RUNX2: variants seen among roughly 807,000 people sequenced by gnomAD.
RUNX2 encodes the protein runt-related transcription factor 2.
A neutral mutation model predicts 51.7 loss-of-function variants in RUNX2; 10 were observed. The observed-to-expected ratio is 0.19, with a 90% confidence interval of 0.12 to 0.33. The LOEUF (loss-of-function observed/expected upper bound fraction) is 0.33, where lower values mean the gene tolerates loss of function less well. Among genes scored for constraint, RUNX2 ranks in the 10% least tolerant of loss-of-function variants. The pLI is 1.00. For synonymous variants in RUNX2, 276 were observed against 273.6 expected, an observed-to-expected ratio of 1.01 and a Z score of -0.09; for missense variants, 562 against 691.3, an observed-to-expected ratio of 0.81 and a Z score of 2.10.
At chr6:45,385,810 G>T (rs1337078104) in intron 2 of RUNX2, among the ~76,000 whole-genome samples, 2 of 152,172 alleles carry the variant, frequency 1.3e-5, no homozygotes, top group Non-Finnish European at 2.9e-5. Context: ...TGAAGCAGGA[G>T]AATCTCTTGA....
At position 45,406,352 on chromosome 6, in the gene RUNX2, G is replaced by T. The variant is rs546505707; in HGVS notation, c.59-16241G>T. On this transcript the variant is annotated intron_variant, in intron 2 of 8. Transcript: ENST00000647337. ...CTGGTATCCTGACTTCTCAGGTAAA[G>T]GTTGGGCCCATTTTTTGTAGAATCA... Among the ~76,000 whole-genome samples, 5 of 152,160 alleles carry T rather than the reference G, an allele frequency of 3.3e-5. No homozygotes were observed. In the East Asian group the frequency reaches 5.8e-4, roughly 18 times the overall value.
intron 2 of RUNX2, among the ~76,000 whole-genome samples, chr6:45,383,986 G>C (rs1198282505): frequency 1.3e-5 from 2 of 152,188 alleles, no homozygotes; most frequent in African/African-American, 4.8e-5. Context: ...GCTTTTTACA[G>C]ATGCAGCATA....
intron 5 of RUNX2, among the ~76,000 whole-genome samples, chr6:45,478,361 T>C (rs1259441593): frequency 1.3e-5 from 2 of 152,248 alleles, no homozygotes; most frequent in Non-Finnish European, 2.9e-5. Flanking sequence ...TTTTCACCTC[T>C]TATTACATTT....
intron 2 of RUNX2, among the ~76,000 whole-genome samples, chr6:45,348,512 C>CAAAAAA (rs754208599): frequency 2.2e-4 from 24 of 110,366 alleles, no homozygotes; most frequent in African/African-American, 7.7e-4. Flanking sequence ...ACTAAAAATA[C>CAAAAAA]AAAAAAAAAA....
At chr6:45,405,222 C>CTATT (rs1247275763) in intron 2 of RUNX2, among the ~76,000 whole-genome samples, 33 of 152,188 alleles carry the variant, frequency 2.2e-4, no homozygotes, top group African/African-American at 7.2e-4. Flanking sequence ...TAAGTGTGAA[C>CTATT]TATTATTCCT....
At chr6:45,528,562 A>C (rs182693755) in intron 7 of RUNX2, among the ~76,000 whole-genome samples, 31 of 152,232 alleles carry the variant, frequency 2.0e-4, no homozygotes, top group Admixed American at 1.7e-3. Context: ...CAGAGGTTGC[A>C]GTGAGCCTAG....
intron 7 of RUNX2, among the ~76,000 whole-genome samples, chr6:45,521,022 G>A (rs184390562): frequency 4.6e-5 from 7 of 152,190 alleles, no homozygotes; most frequent in African/African-American, 1.2e-4. Flanking sequence ...AGCCCATATT[G>A]TCCTTTAGCA....
At chr6:45,543,265 C>T (rs1395512770) in intron 7 of RUNX2, among the ~76,000 whole-genome samples, 1 of 152,190 alleles carries the variant, frequency 6.6e-6, no homozygotes, top group Non-Finnish European at 1.5e-5. Context: ...TTTTGAAACT[C>T]TTCGCACCAA....
At chr6:45,521,297 T>C (rs1582201937) in intron 7 of RUNX2, among the ~76,000 whole-genome samples, 1 of 152,228 alleles carries the variant, frequency 6.6e-6, no homozygotes, top group East Asian at 1.9e-4. Flanking sequence ...CTTTCATTGC[T>C]GATAAGGACA....
intron 7 of RUNX2, among the ~76,000 whole-genome samples, chr6:45,523,680 A>AT (rs539062605): frequency 1.3e-3 from 190 of 151,884 alleles, no homozygotes; most frequent in African/African-American, 4.4e-3. Context: ...CACGCCTGTA[A>AT]TCCCAGGACT....
chr6:45,528,729 G>C (rs1448316369), intron 7 of RUNX2, among the ~76,000 whole-genome samples: 1 of 152,234 alleles, frequency 6.6e-6, no homozygotes, highest in African/African-American at 2.4e-5. Flanking sequence ...CGTGGCAACA[G>C]CTCTGAAGTG....
intron 5 of RUNX2, among the ~76,000 whole-genome samples, chr6:45,471,500 G>A (rs1346328864): frequency 6.7e-6 from 1 of 148,524 alleles, no homozygotes; most frequent in African/African-American, 2.5e-5. Context: ...GCTGGAGTGT[G>A]GTGGCGCGAT....
At chr6:45,379,809 GGAGCC>G (rs1361583919) in intron 2 of RUNX2, among the ~76,000 whole-genome samples, 5 of 151,980 alleles carry the variant, frequency 3.3e-5, no homozygotes, top group Non-Finnish European at 7.4e-5. Context: ...GAGGTTGCAG[GGAGCC>G]GAGATCACGC....
At chr6:45,460,475 G>C (rs894185835) in intron 5 of RUNX2, among the ~76,000 whole-genome samples, 1 of 152,178 alleles carries the variant, frequency 6.6e-6, no homozygotes, top group Non-Finnish European at 1.5e-5. Context: ...TGGAGGCTAG[G>C]AGGTGAGTAC....
intron 7 of RUNX2, among the ~76,000 whole-genome samples, chr6:45,518,790 T>C (rs1018723516): frequency 1.3e-5 from 2 of 152,174 alleles, no homozygotes; most frequent in African/African-American, 4.8e-5. Flanking sequence ...TTATTGAGGA[T>C]TTGCTGAAAT....
intron 5 of RUNX2, among the ~76,000 whole-genome samples, chr6:45,471,086 T>C (rs1799785597): frequency 6.6e-6 from 1 of 152,164 alleles, no homozygotes; most frequent in African/African-American, 2.4e-5. Context: ...CCAGGAGCCA[T>C]CTTGGGACGT....
intron 7 of RUNX2, among the ~76,000 whole-genome samples, chr6:45,517,412 G>A (rs1801364596): frequency 6.6e-6 from 1 of 152,158 alleles, no homozygotes; most frequent in South Asian, 2.1e-4. Flanking sequence ...CTGGTCTCAA[G>A]TGATCCTCTT....
intron 4 of RUNX2, among the ~76,000 whole-genome samples, chr6:45,435,557 C>T (rs1347028046): frequency 2.0e-5 from 3 of 151,998 alleles, no homozygotes; most frequent in African/African-American, 7.3e-5. Flanking sequence ...AGGGTTTCAC[C>T]AGGTTGGCCA....
rs139100422 is a variant in RUNX2, at chr6:45,525,651, T to C, written c.1021+13244T>C. 5.5e-4 allele frequency among the ~76,000 whole-genome samples: 83 copies of C among 152,292 alleles called. No individual in the cohort carries two copies. In the East Asian group the frequency reaches 0.015, roughly 27 times the overall value. ...ATGTCTGTGATTCTAAATTAAGGCC[T>C]GAAAGGGCAGGTTTTCTTACAGGAG... is the stretch of plus-strand genomic sequence containing the variant. On this transcript the variant is annotated intron_variant, in intron 7 of 8. Transcript: ENST00000647337.
Sources: gnomAD v4.1 joint callset for allele counts (sites outside exome capture counted in the v4.1 genomes callset) on GRCh38, gnomAD v4.1.1 for gene constraint, MANE v1.5 for transcripts, NCBI Gene and HGNC (gene_info 2026-07-23, HGNC 2026-07-21) for gene names.